Variants in DHX34 observed in about 807,000 individuals in gnomAD.
DHX34 encodes the protein DExH-box helicase 34.
Under a neutral mutation model 111.1 loss-of-function variants are expected in DHX34, and 96 were observed. That is an observed-to-expected ratio of 0.86 (90% CI 0.73 to 1.02). DHX34 has a LOEUF of 1.02. Among genes scored for constraint, DHX34 ranks in the 50% least tolerant of loss-of-function variants. The pLI, the probability that DHX34 is intolerant of heterozygous loss-of-function variation, is 0.00. For synonymous variants in DHX34, 688 were observed against 670.4 expected (o/e 1.03, Z -0.41); for missense variants, 1,560 against 1,579.9 (o/e 0.99, Z 0.21).
chr19:47,374,656 C>T (rs950797548), intron 9 of DHX34, among the ~76,000 whole-genome samples: 1 of 152,002 alleles, frequency 6.6e-6, no homozygotes, highest in African/African-American at 2.4e-5. Flanking sequence ...GGGCAGTCAC[C>T]CAGCCGACAC....
In DHX34 at chr19:47,379,904, G is replaced by A. The variant is rs1374597364; in HGVS notation, c.2901G>A (p.Glu967=). Residue 967 remains glutamate (E), a synonymous_variant, in exon 14 of 17, where the codon GAG becomes GAA. Coordinates refer to ENST00000328771, the MANE Select transcript of DHX34 (RefSeq NM_014681.6). ...CGCACCAGGCCCAGCAGCAGCTGGAGGAGGAGGAGGAGGATACGCCAGTCA... is the reference window on the plus strand; with the variant it reads ...CGCACCAGGCCCAGCAGCAGCTGGAAGAGGAGGAGGAGGATACGCCAGTCA... ...QLAHQAQQQL[E]EEEEDTPVSP... 4 of 1,601,266 alleles carry A rather than the reference G, an allele frequency of 2.5e-6. No homozygotes were observed. The African/African-American group carries it at 5.4e-5, about 22-fold the overall frequency.
Position 47,377,127 on chromosome 19 carries a change from A to G in DHX34, c.2627A>G (p.His876Arg). 1 of 1,613,958 alleles carries G rather than the reference A, an allele frequency of 6.2e-7. No individual in the cohort carries two copies. The highest frequency in any genetic ancestry group is 8.5e-7 in the Non-Finnish European group (1 of 1,179,964). Residue 876 changes from histidine (H) to arginine (R), a missense_variant, in exon 13 of 17, where the codon CAC becomes CGC. Physicochemically the swap from His to Arg is conservative, Grantham distance 29 (BLOSUM62 0). Coordinates refer to ENST00000328771, the MANE Select transcript of DHX34 (RefSeq NM_014681.6). ...GACAAGGACAAGATGAGCAGCAAAC[A>G]CCAGCTCCTCAGCTTCGTGTCCCTG... is the stretch of plus-strand genomic sequence containing the variant. ...RDDKDKMSSK[H>R]QLLSFVSLLE...
At position 47,375,687 on chromosome 19, in the gene DHX34, C is replaced by T; in HGVS notation, c.2286C>T (p.Ala762=). The change falls in exon 10 of 17, where the codon GCC becomes GCT. Residue 762 remains alanine, a synonymous_variant. Coordinates refer to ENST00000328771, the MANE Select transcript of DHX34 (RefSeq NM_014681.6). ...GGGCTGGCCCAGCCCCCCCAGGGGC[C>T]AGTGATGGCGTGGACATCCAGGTGG... ...EDRAGPAPPG[A]SDGVDIQDVK... The T allele has an allele frequency of 6.4e-7, 1 of 1,558,476 alleles. No individual in the cohort carries two copies. Among genetic ancestry groups the T allele is most frequent in the Non-Finnish European group, 8.6e-7 (1 of 1,156,156 alleles).
In DHX34 at chr19:47,382,245, A is replaced by C; in HGVS notation, c.*132A>C. On this transcript the variant is annotated 3_prime_UTR_variant, in exon 17 of 17. Coordinates refer to ENST00000328771, the MANE Select transcript of DHX34 (RefSeq NM_014681.6). ...TCCTGTCCCAGTGCAGAGGGCCTGG[A>C]GCACGGATTGTGAATAAAGCCTCAC... 7.0e-7 allele frequency: 1 copy of C among 1,437,284 alleles called. No individual in the cohort carries two copies. The highest frequency in any genetic ancestry group is 9.2e-7 in the Non-Finnish European group (1 of 1,089,272). 89.0% of individuals were successfully genotyped at this position (1,437,284 alleles called of 1,614,324 possible).
intron 14 of DHX34, 64 bp from the exon 15 acceptor site, chr19:47,380,752 C>G (rs897050760): frequency 1.3e-4 from 201 of 1,601,620 alleles, no homozygotes; most frequent in Non-Finnish European, 1.6e-4. Context: ...ACAGCTGGAT[C>G]CAGGTGCTTT....
At chr19:47,358,401 T>G (rs1365720116) in intron 4 of DHX34, among the ~76,000 whole-genome samples, 3 of 152,018 alleles carry the variant, frequency 2.0e-5, no homozygotes, top group African/African-American at 7.3e-5. Context: ...TCAGCCCCAC[T>G]GTTGCAGCAT....
intron 7 of DHX34, among the ~76,000 whole-genome samples, chr19:47,370,368 C>T (rs1969927514): frequency 6.6e-6 from 1 of 152,196 alleles, no homozygotes; most frequent in African/African-American, 2.4e-5. Flanking sequence ...CCCAGCTCTG[C>T]CCCGCACCCC....
At chr19:47,357,001 T>A (rs187486331) in intron 3 of DHX34, among the ~76,000 whole-genome samples, 1 of 152,078 alleles carries the variant, frequency 6.6e-6, no homozygotes, top group Admixed American at 6.6e-5. Context: ...TTGTTTTTTG[T>A]TTTTTTTAGT....
chr19:47,379,459 T>C, intron 13 of DHX34: 2 of 299,136 alleles, frequency 6.7e-6, no homozygotes, highest in Non-Finnish European at 9.8e-6. Flanking sequence ...AATGCAGCTG[T>C]CTCTCTCCCA....
Position 47,357,133 on chromosome 19 carries a change from G to A in DHX34, c.1018-733G>A, listed in dbSNP as rs1008979943. 3.3e-5 allele frequency among the ~76,000 whole-genome samples: 5 copies of A among 152,226 alleles called. No homozygotes were observed. The East Asian group carries it at 9.7e-4, about 29-fold the overall frequency. ...GTGAGCCAACTATGCTGGGAAATCA[G>A]CCAACCAACCTGGCTCAGGCTCAGG... On this transcript the variant is annotated intron_variant, in intron 3 of 16. Transcript: ENST00000328771.
chr19:47,365,122 A>T (rs1568399556), intron 6 of DHX34, among the ~76,000 whole-genome samples: 1 of 152,042 alleles, frequency 6.6e-6, no homozygotes, highest in Non-Finnish European at 1.5e-5. Flanking sequence ...GCCTGAGTTG[A>T]TCAGAGCAGT....
Position 47,355,132 on chromosome 19 carries a change from G to T in DHX34, c.799G>T (p.Glu267Ter), listed in dbSNP as rs1173621891. The change falls in exon 3 of 17, where the codon GAA (glutamate) becomes TAA (stop). Residue 267 changes from glutamate (E) to a stop codon, truncating the protein, a stop_gained. Transcript: ENST00000328771. LOFTEE classifies it high-confidence loss of function. Reference sequence around the variant, plus strand: ...GCTGCTCCTGCGACAAATCCAGCGGGAACCCAGCCTGCCCCAGTATGAGGT... The same window carrying T: ...GCTGCTCCTGCGACAAATCCAGCGGTAACCCAGCCTGCCCCAGTATGAGGT... ...VGLLLRQIQR[E>*]PSLPQYEVLI... 6.2e-7 allele frequency: 1 copy of T among 1,613,954 alleles called. No homozygotes were observed. The highest frequency in any genetic ancestry group is 2.2e-5 in the East Asian group (1 of 44,854).
intron 6 of DHX34, among the ~76,000 whole-genome samples, chr19:47,365,104 G>C (rs1263304919): frequency 6.6e-6 from 1 of 152,034 alleles, no homozygotes; most frequent in Non-Finnish European, 1.5e-5. Flanking sequence ...GTCTAGGGTT[G>C]TGGCATTGCC....
Position 47,355,103 on chromosome 19 carries a change from T to C in DHX34, c.770T>C (p.Val257Ala), listed in dbSNP as rs763713257. ...GCCACCAAGATTGTATTCCTGACAG[T>C]GGGGCTGCTCCTGCGACAAATCCAG... ...SAATKIVFLT[V>A]GLLLRQIQRE... Residue 257 changes from valine to alanine, a missense_variant, in exon 3 of 17, where the codon GTG (valine) becomes GCG (alanine). Val to Ala is a moderately conservative substitution (Grantham distance 64, BLOSUM62 0). Transcript: ENST00000328771. 4 of 1,612,844 alleles carry C rather than the reference T, an allele frequency of 2.5e-6. No individual in the cohort carries two copies. Among genetic ancestry groups the C allele is most frequent in the Non-Finnish European group, 3.4e-6 (4 of 1,179,710 alleles).
chr19:47,356,438 T>G (rs1032373668), intron 3 of DHX34, among the ~76,000 whole-genome samples: 1 of 151,992 alleles, frequency 6.6e-6, no homozygotes, highest in African/African-American at 2.4e-5. Context: ...AAGACCATCC[T>G]GGCCAACATG....
intron 1 of DHX34, among the ~76,000 whole-genome samples, chr19:47,351,171 CTTTTT>C (rs955543104): frequency 8.5e-4 from 79 of 93,086 alleles, no homozygotes; most frequent in African/African-American, 3.2e-3. Context: ...TTTTCTTTTT[CTTTTT>C]TTTTTTTTTT....
At chr19:47,362,423 A>C (rs1969658214) in intron 5 of DHX34, 53 bp from the exon 6 acceptor site, 1 of 1,458,482 alleles carries the variant, frequency 6.9e-7, no homozygotes, top group African/African-American at 1.4e-5. Context: ...GCGCGTGGCC[A>C]GCTGCACGTG....
At chr19:47,350,610 G>A (rs973157050) in intron 1 of DHX34, among the ~76,000 whole-genome samples, 1 of 151,912 alleles carries the variant, frequency 6.6e-6, no homozygotes, top group Non-Finnish European at 1.5e-5. Flanking sequence ...AGTAGAGACG[G>A]GATTTTTCCA....
rs200436850 is a variant in DHX34 at position 47,366,962 on chromosome 19, G to T, written c.1594-19G>T. On this transcript the variant is annotated intron_variant, in intron 6 of 16. Transcript: ENST00000328771. ...GCTCTTGTGTTCCCCAATCTTGGGG[G>T]TTTTGCTTCTCATTCTAGATGAAGA... The T allele has an allele frequency of 9.0e-5, 139 of 1,541,004 alleles. No homozygotes were observed. The African/African-American group carries it at 1.7e-3, about 19-fold the overall frequency.
Sources: gnomAD v4.1 joint callset for allele counts (sites outside exome capture counted in the v4.1 genomes callset) on GRCh38, gnomAD v4.1.1 for gene constraint, MANE v1.5 for transcripts, NCBI Gene and HGNC (gene_info 2026-07-23, HGNC 2026-07-21) for gene names.